AEBP2: variants seen among roughly 807,000 people sequenced by gnomAD.
The protein encoded by AEBP2 is zinc finger protein AEBP2.
A neutral mutation model predicts 50.8 loss-of-function variants in AEBP2; 10 were observed. That is an observed-to-expected ratio of 0.20 (90% CI 0.12 to 0.33). The LOEUF (loss-of-function observed/expected upper bound fraction) is 0.33. Ranked by LOEUF, AEBP2 falls within the 10% of genes least tolerant of loss-of-function variation. The probability of loss-of-function intolerance (pLI) is 1.00; values close to 1 mark genes in which losing one functional copy is unlikely to be tolerated. For synonymous variants in AEBP2, 296 were observed against 261.3 expected (o/e 1.13, Z -1.28); for missense variants, 570 against 688.0 (o/e 0.83, Z 1.92).
intron 1 of AEBP2, chr12:19,418,898 C>A (rs1308122773): frequency 6.6e-6 from 1 of 151,954 alleles, no homozygotes; most frequent in African/African-American, 2.4e-5. Flanking sequence ...TGGGTGACAG[C>A]CTCTGAGCCA....
At chr12:19,414,291 C>T (rs1351859896) in intron 1 of AEBP2, among the ~76,000 whole-genome samples, 1 of 152,126 alleles carries the variant, frequency 6.6e-6, no homozygotes, top group Non-Finnish European at 1.5e-5. Flanking sequence ...TAGGTTTCAG[C>T]CTCATTTTAC....
At chr12:19,517,545 A>T (rs1592789953) in intron 7 of AEBP2, among the ~76,000 whole-genome samples, 1 of 152,344 alleles carries the variant, frequency 6.6e-6, no homozygotes, top group East Asian at 1.9e-4. Flanking sequence ...ATACAGAAGG[A>T]TGTATGTAGG....
intron 6 of AEBP2, among the ~76,000 whole-genome samples, chr12:19,513,759 G>A (rs1232440300): frequency 6.6e-6 from 1 of 151,972 alleles, no homozygotes; most frequent in Admixed American, 6.6e-5. Flanking sequence ...GTGAGACCCT[G>A]TTCAAAAAAG....
chr12:19,495,757 TG>T (rs1451777793), intron 4 of AEBP2, among the ~76,000 whole-genome samples: 2 of 151,982 alleles, frequency 1.3e-5, no homozygotes, highest in African/African-American at 4.8e-5. Flanking sequence ...TTCTCCAGGC[TG>T]GTCTTGAACT....
chr12:19,449,752 A>C (rs1339210410), intron 1 of AEBP2, among the ~76,000 whole-genome samples: 2 of 152,248 alleles, frequency 1.3e-5, no homozygotes, highest in African/African-American at 4.8e-5. Context: ...AATGATTTTT[A>C]GTGTGCTTCC....
chr12:19,476,986 C>G (rs1264056308), intron 3 of AEBP2, among the ~76,000 whole-genome samples: 3 of 152,174 alleles, frequency 2.0e-5, no homozygotes, highest in African/African-American at 7.2e-5. Context: ...TCGATGATTT[C>G]TTTCAGCAGT....
At chr12:19,419,318 G>A (rs570155132) in intron 1 of AEBP2, among the ~76,000 whole-genome samples, 5 of 152,174 alleles carry the variant, frequency 3.3e-5, no homozygotes, top group African/African-American at 9.6e-5. Flanking sequence ...GGCCGGGTGC[G>A]GTGGCTCATG....
intron 5 of AEBP2, among the ~76,000 whole-genome samples, chr12:19,507,684 G>A (rs1274908226): frequency 2.0e-5 from 3 of 152,148 alleles, no homozygotes; most frequent in Non-Finnish European, 2.9e-5. Flanking sequence ...GGGAAGGAAA[G>A]TGGAAGGAAG....
At chr12:19,486,859 C>T (rs1004338018) in intron 3 of AEBP2, among the ~76,000 whole-genome samples, 10 of 151,460 alleles carry the variant, frequency 6.6e-5, no homozygotes, top group Non-Finnish European at 1.2e-4. Flanking sequence ...TGCAGTGGTG[C>T]GATCTCAAAT....
intron 1 of AEBP2, among the ~76,000 whole-genome samples, chr12:19,442,794 T>A (rs1403348857): frequency 6.6e-6 from 1 of 152,210 alleles, no homozygotes; most frequent in South Asian, 2.1e-4. Context: ...AACATCTTCT[T>A]GTTGCCTTTG....
intron 5 of AEBP2, 35 bp from the exon 6 acceptor site, chr12:19,512,363 A>G (rs755813959): frequency 2.9e-6 from 4 of 1,388,942 alleles, no homozygotes; most frequent in Non-Finnish European, 2.0e-6. Flanking sequence ...TGTTTTACAC[A>G]TTGTTTTTAT....
At chr12:19,432,420 A>T (rs1592710416) in intron 1 of AEBP2, among the ~76,000 whole-genome samples, 1 of 152,322 alleles carries the variant, frequency 6.6e-6, no homozygotes, top group East Asian at 1.9e-4. Flanking sequence ...TTGGCAGGGC[A>T]TGGTGGCTCA....
chr12:19,479,057 G>T (rs998515707), intron 3 of AEBP2, among the ~76,000 whole-genome samples: 1 of 152,042 alleles, frequency 6.6e-6, no homozygotes, highest in Non-Finnish European at 1.5e-5. Context: ...AAAAATAAAA[G>T]AATTAGTTGA....
Position 19,508,202 on chromosome 12 carries a change from T to G in AEBP2, c.1300-4196T>G, listed in dbSNP as rs180988068. Among the ~76,000 whole-genome samples the G allele has an allele frequency of 2.0e-4, 31 of 152,252 alleles. No individual in the cohort carries two copies. In the East Asian group the frequency reaches 5.6e-3, roughly 27 times the overall value. On this transcript the variant is annotated intron_variant, in intron 5 of 7. Coordinates refer to ENST00000266508, the MANE Select transcript of AEBP2 (RefSeq NM_153207.5). Reference sequence around the variant, plus strand: ...AGTATTTATTTGACTACAGACTTTTTTTGTTGTTTTTAAAAAAACCATATT... The same window carrying G: ...AGTATTTATTTGACTACAGACTTTTGTTGTTGTTTTTAAAAAAACCATATT...
intron 1 of AEBP2, among the ~76,000 whole-genome samples, chr12:19,460,470 C>T (rs1248858797): frequency 1.3e-5 from 2 of 152,082 alleles, no homozygotes; most frequent in East Asian, 3.9e-4. Context: ...TTCTCTGTCT[C>T]AGCCTCCCGA....
intron 1 of AEBP2, among the ~76,000 whole-genome samples, chr12:19,417,568 C>T (rs975272324): frequency 2.0e-5 from 3 of 151,816 alleles, no homozygotes; most frequent in Non-Finnish European, 2.9e-5. Flanking sequence ...CCACCACACC[C>T]GGCCAATTTT....
intron 5 of AEBP2, among the ~76,000 whole-genome samples, chr12:19,504,380 GC>G (rs55796210): frequency 0.5 from 74,154 of 149,368 alleles, 19,783 homozygotes; most frequent in Non-Finnish European, 0.62. Context: ...GAATACAGGC[GC>G]CCCCCCCACC....
intron 4 of AEBP2, among the ~76,000 whole-genome samples, chr12:19,498,184 TA>T (rs1340563777): frequency 6.6e-6 from 1 of 152,210 alleles, no homozygotes; most frequent in Non-Finnish European, 1.5e-5. Flanking sequence ...CCCAAGTGTT[TA>T]TTCTTAGGAA....
chr12:19,429,752 G>T (rs1310241443), intron 1 of AEBP2, among the ~76,000 whole-genome samples: 4 of 151,646 alleles, frequency 2.6e-5, no homozygotes, highest in Non-Finnish European at 4.4e-5. Flanking sequence ...TTTTTCATGT[G>T]TCTTTTGGCT....
Sources: gnomAD v4.1 joint callset for allele counts (sites outside exome capture counted in the v4.1 genomes callset) on GRCh38, gnomAD v4.1.1 for gene constraint, MANE v1.5 for transcripts, NCBI Gene and HGNC (gene_info 2026-07-23, HGNC 2026-07-21) for gene names.